The following XYLT1 variants were observed in gnomAD, a reference collection of about 807,000 sequenced individuals.
XYLT1 encodes the protein xylosyltransferase 1.
XYLT1 carries 36 observed loss-of-function variants against 91.3 expected under a neutral mutation model. The observed-to-expected ratio is 0.39, with a 90% confidence interval of 0.30 to 0.52. The LOEUF (loss-of-function observed/expected upper bound fraction) is 0.52, where lower values mean the gene tolerates loss of function less well. XYLT1 is among the 20% of genes least tolerant of loss of function. XYLT1 has a pLI of 0.68. For missense variants in XYLT1, 1,242 were observed against 1,284.5 expected (o/e 0.97, Z 0.51); for synonymous variants, 588 against 532.0 (o/e 1.11, Z -1.45).
chr16:17,188,740 A>C (rs1442981183), intron 5 of XYLT1, among the ~76,000 whole-genome samples: 2 of 152,186 alleles, frequency 1.3e-5, no homozygotes, highest in Non-Finnish European at 2.9e-5. Flanking sequence ...TATCACATGG[A>C]TAACCCTCAC....
chr16:17,335,971 C>G (rs1302039898), intron 2 of XYLT1, among the ~76,000 whole-genome samples: 4 of 152,096 alleles, frequency 2.6e-5, no homozygotes, highest in Non-Finnish European at 4.4e-5. Flanking sequence ...TGTGAGTCAC[C>G]AGTTTGCATG....
chr16:17,445,080 A>G (rs1196386749), intron 1 of XYLT1, among the ~76,000 whole-genome samples: 1 of 152,104 alleles, frequency 6.6e-6, no homozygotes, highest in Non-Finnish European at 1.5e-5. Flanking sequence ...GCTCACTACA[A>G]CCTTTGCCTC....
chr16:17,434,785 T>C (rs1289021824), intron 1 of XYLT1, among the ~76,000 whole-genome samples: 1 of 152,056 alleles, frequency 6.6e-6, no homozygotes, highest in African/African-American at 2.4e-5. Flanking sequence ...GGAGGGTCTC[T>C]TCAGTTCAGG....
chr16:17,191,363 T>C (rs1408764807), intron 5 of XYLT1, among the ~76,000 whole-genome samples: 2 of 152,238 alleles, frequency 1.3e-5, no homozygotes, highest in African/African-American at 4.8e-5. Context: ...TGACTGTACA[T>C]GGATGCTTGG....
chr16:17,254,692 G>A (rs2033601541), intron 3 of XYLT1, among the ~76,000 whole-genome samples: 1 of 152,208 alleles, frequency 6.6e-6, no homozygotes, highest in Admixed American at 6.5e-5. Flanking sequence ...ACCGTGCCTG[G>A]CCTAGCTTAC....
intron 1 of XYLT1, among the ~76,000 whole-genome samples, chr16:17,455,928 C>T (rs1219041613): frequency 2.6e-5 from 4 of 152,200 alleles, no homozygotes; most frequent in South Asian, 2.1e-4. Flanking sequence ...AGAGAATACG[C>T]AATTAATTAT....
At chr16:17,164,038 C>CAGAAAAAA (rs2031617048) in intron 5 of XYLT1, among the ~76,000 whole-genome samples, 1 of 44,414 alleles carries the variant, frequency 2.3e-5, no homozygotes, top group African/African-American at 7.5e-5. Context: ...AACTCTGTCT[C>CAGAAAAAA]AAAAAAAAAA....
intron 7 of XYLT1, among the ~76,000 whole-genome samples, chr16:17,139,707 C>G (rs560796035): frequency 6.6e-6 from 1 of 152,274 alleles, no homozygotes; most frequent in South Asian, 2.1e-4. Flanking sequence ...TGCCCTGTGT[C>G]CTTTCATAAT....
chr16:17,294,948 C>A (rs2034287309), intron 2 of XYLT1, among the ~76,000 whole-genome samples: 1 of 152,174 alleles, frequency 6.6e-6, no homozygotes, highest in Admixed American at 6.5e-5. Context: ...CTTGCCTTCA[C>A]AGAACTTTAT....
rs1419062674 is a variant in XYLT1 at position 17,442,510 on chromosome 16, ACCACATATTGCC to A, written c.363+27912_363+27923del. Among the ~76,000 whole-genome samples, 9 of 152,212 alleles carry A rather than the reference ACCACATATTGCC, an allele frequency of 5.9e-5. No homozygotes were observed. The East Asian group carries it at 9.7e-4, about 16-fold the overall frequency. ...GAGGGCGGTTCTGAATGAGATTAAC[ACCACATATTGCC>A]CCACATATTTAAGTTGAGGAGCCTC... is the stretch of plus-strand genomic sequence containing the variant. On this transcript the variant is annotated intron_variant, in intron 1 of 11. Coordinates refer to ENST00000261381, the MANE Select transcript of XYLT1 (RefSeq NM_022166.4).
chr16:17,394,568 C>T (rs571103048), intron 1 of XYLT1, among the ~76,000 whole-genome samples: 1 of 152,318 alleles, frequency 6.6e-6, no homozygotes, highest in East Asian at 1.9e-4. Context: ...ACCTGAGCTT[C>T]CATGTCAGAC....
intron 5 of XYLT1, among the ~76,000 whole-genome samples, chr16:17,162,585 G>A (rs986605695): frequency 6.6e-6 from 1 of 152,042 alleles, no homozygotes; most frequent in African/African-American, 2.4e-5. Context: ...ATGAACGAGT[G>A]AATGAATGAA....
chr16:17,142,021 C>CA (rs2030993256), intron 6 of XYLT1, among the ~76,000 whole-genome samples: 1 of 152,138 alleles, frequency 6.6e-6, no homozygotes, highest in East Asian at 1.9e-4. Context: ...CTCCTGCCTC[C>CA]AGCTCCTGAG....
intron 3 of XYLT1, among the ~76,000 whole-genome samples, chr16:17,224,756 T>C (rs931398417): frequency 2.6e-5 from 4 of 152,196 alleles, no homozygotes; most frequent in African/African-American, 9.6e-5. Context: ...TATCAACATT[T>C]CTTCAACACT....
intron 1 of XYLT1, among the ~76,000 whole-genome samples, chr16:17,410,779 A>G (rs2036098214): frequency 6.7e-6 from 1 of 150,106 alleles, no homozygotes; most frequent in Non-Finnish European, 1.5e-5. Flanking sequence ...AATAGTTTGG[A>G]TGGCAGGCGT....
At chr16:17,457,336 T>C (rs750746329) in intron 1 of XYLT1, among the ~76,000 whole-genome samples, 8 of 152,200 alleles carry the variant, frequency 5.3e-5, no homozygotes, top group Admixed American at 3.3e-4. Context: ...CCCACCTTCA[T>C]TGGAGGGCTG....
chr16:17,274,490 A>G (rs1042016507), intron 2 of XYLT1, among the ~76,000 whole-genome samples: 1 of 152,202 alleles, frequency 6.6e-6, no homozygotes, highest in African/African-American at 2.4e-5. Context: ...AAGGGGAACT[A>G]AAGTATGCTT....
intron 1 of XYLT1, among the ~76,000 whole-genome samples, chr16:17,411,681 C>G (rs955357214): frequency 2.0e-5 from 3 of 152,152 alleles, no homozygotes; most frequent in Non-Finnish European, 4.4e-5. Flanking sequence ...GACCTCTGAT[C>G]TCTTAATAGT....
At chr16:17,230,810 C>T (rs759097694) in intron 3 of XYLT1, among the ~76,000 whole-genome samples, 6 of 152,206 alleles carry the variant, frequency 3.9e-5, no homozygotes, top group African/African-American at 1.4e-4. Flanking sequence ...TGGCCCTCAA[C>T]TGGAAGTGAT....
Sources: gnomAD v4.1 joint callset for allele counts (sites outside exome capture counted in the v4.1 genomes callset) on GRCh38, gnomAD v4.1.1 for gene constraint, MANE v1.5 for transcripts, NCBI Gene and HGNC (gene_info 2026-07-23, HGNC 2026-07-21) for gene names.